Variants in PTPRD observed in about 807,000 individuals in gnomAD.
PTPRD encodes protein tyrosine phosphatase receptor type D.
Under a neutral mutation model 214.5 loss-of-function variants are expected in PTPRD, and 34 were observed. That is an observed-to-expected ratio of 0.16 (90% confidence interval 0.12 to 0.21). The LOEUF (loss-of-function observed/expected upper bound fraction) is 0.21. PTPRD is among the 10% of genes least tolerant of loss of function. The probability of loss-of-function intolerance (pLI) is 1.00; values close to 1 mark genes in which losing one functional copy is unlikely to be tolerated. For missense variants in PTPRD, 2,545 were observed against 2,398.7 expected (o/e 1.06, Z -1.27); for synonymous variants, 1,128 against 845.7 (o/e 1.33, Z -5.79).
intron 11 of PTPRD, among the ~76,000 whole-genome samples, chr9:8,807,001 C>T (rs993299644): frequency 2.6e-5 from 4 of 152,030 alleles, no homozygotes; most frequent in African/African-American, 9.7e-5. Flanking sequence ...ATTACAGTGA[C>T]AAAAATATTT....
chr9:8,766,836 T>C (rs982915800), intron 11 of PTPRD, among the ~76,000 whole-genome samples: 1 of 152,216 alleles, frequency 6.6e-6, no homozygotes, highest in African/African-American at 2.4e-5. Context: ...AGTTTCGTGA[T>C]GTGTTTGTGA....
At chr9:10,275,919 T>C (rs1435444287) in intron 3 of PTPRD, among the ~76,000 whole-genome samples, 1 of 152,154 alleles carries the variant, frequency 6.6e-6, no homozygotes, top group African/African-American at 2.4e-5. Flanking sequence ...TGAGAGCCAG[T>C]GTAACTTGGG....
chr9:9,306,512 C>T (rs1051563228), intron 9 of PTPRD, among the ~76,000 whole-genome samples: 2 of 133,606 alleles, frequency 1.5e-5, no homozygotes, highest in Non-Finnish European at 3.1e-5. Context: ...TGCAGTGAAC[C>T]GAGATCACAC....
chr9:10,340,227 T>C (rs1372239713), intron 3 of PTPRD, among the ~76,000 whole-genome samples: 1 of 151,886 alleles, frequency 6.6e-6, no homozygotes, highest in Non-Finnish European at 1.5e-5. Context: ...TCAATGTTTT[T>C]CCCCATGTTT....
chr9:9,854,172 T>C (rs2061092214), intron 5 of PTPRD, among the ~76,000 whole-genome samples: 1 of 152,226 alleles, frequency 6.6e-6, no homozygotes, highest in South Asian at 2.1e-4. Flanking sequence ...GCTATTTACA[T>C]TAAATGTTAA....
chr9:8,748,535 A>AAAAAAG (rs1300692516), intron 11 of PTPRD, among the ~76,000 whole-genome samples: 65 of 122,322 alleles, frequency 5.3e-4, no homozygotes, highest in African/African-American at 1.8e-3. Flanking sequence ...AAAAAAAAAA[A>AAAAAAG]AAAAAGAAAA....
Position 9,693,463 on chromosome 9 carries a change from G to A in PTPRD, c.-287+41070C>T, listed in dbSNP as rs188981755. Among the ~76,000 whole-genome samples the A allele has an allele frequency of 3.2e-4, 49 of 152,204 alleles. 1 individual carries two copies. The East Asian group carries it at 9.5e-3, about 29-fold the overall frequency. Reference sequence around the variant, plus strand: ...ATTGTAAGTTTCCTCCCCCCGCCATGTGCAACTATGAGTCATTTAAATGTC... The same window carrying A: ...ATTGTAAGTTTCCTCCCCCCGCCATATGCAACTATGAGTCATTTAAATGTC... On this transcript the variant is annotated intron_variant, in intron 7 of 45. Transcript: ENST00000381196.
intron 3 of PTPRD, among the ~76,000 whole-genome samples, chr9:10,051,391 T>C (rs543969254): frequency 6.6e-6 from 1 of 152,246 alleles, no homozygotes; most frequent in African/African-American, 2.4e-5. Context: ...CTGTTAGTCA[T>C]CTCCAGTTTT....
chr9:10,030,668 G>C (rs1297231830), intron 4 of PTPRD, among the ~76,000 whole-genome samples: 3 of 152,170 alleles, frequency 2.0e-5, no homozygotes, highest in African/African-American at 7.2e-5. Context: ...AAAAAGACTG[G>C]ATTCCACGTG....
At chr9:9,846,957 G>C (rs1027520590) in intron 5 of PTPRD, among the ~76,000 whole-genome samples, 3 of 152,028 alleles carry the variant, frequency 2.0e-5, no homozygotes, top group African/African-American at 7.2e-5. Flanking sequence ...AAAACTAGCA[G>C]GGAGAATATC....
chr9:9,304,506 A>G (rs1401597095), intron 9 of PTPRD, among the ~76,000 whole-genome samples: 2 of 151,944 alleles, frequency 1.3e-5, no homozygotes, highest in African/African-American at 2.4e-5. Context: ...TTTGGATTTA[A>G]GGATGTGGAA....
chr9:10,037,584 A>G (rs531285958), intron 3 of PTPRD, among the ~76,000 whole-genome samples: 4,136 of 148,184 alleles, frequency 0.028, 110 homozygotes, highest in Admixed American at 0.087. Context: ...GCAGTGGAAA[A>G]AAAAAAAAAA....
chr9:10,475,443 A>T (rs1332456033), intron 2 of PTPRD, among the ~76,000 whole-genome samples: 1 of 152,008 alleles, frequency 6.6e-6, no homozygotes, highest in Non-Finnish European at 1.5e-5. Context: ...AAAGAAGTCG[A>T]ATCCCTGAAT....
intron 8 of PTPRD, among the ~76,000 whole-genome samples, chr9:9,480,836 G>C (rs2095379067): frequency 6.6e-6 from 1 of 152,084 alleles, no homozygotes; most frequent in South Asian, 2.1e-4. Context: ...TACGTGGACT[G>C]TCTCTGATAT....
chr9:9,435,610 A>G (rs532778067), intron 8 of PTPRD, among the ~76,000 whole-genome samples: 8 of 152,258 alleles, frequency 5.3e-5, no homozygotes, highest in South Asian at 2.1e-4. Context: ...GGATTTTTCA[A>G]CTGCCTTTCA....
intron 7 of PTPRD, among the ~76,000 whole-genome samples, chr9:9,636,903 G>T (rs937452493): frequency 6.6e-6 from 1 of 152,126 alleles, no homozygotes; most frequent in Admixed American, 6.5e-5. Flanking sequence ...CTGGTAAGGG[G>T]GGCGAGTCTC....
intron 41 of PTPRD, 96 bp from the exon 42 acceptor site, chr9:8,340,565 C>T (rs746149984): frequency 5.8e-5 from 71 of 1,219,922 alleles, no homozygotes; most frequent in East Asian, 2.4e-4. Flanking sequence ...TAATAAAAAA[C>T]GAAAACATAT....
At chr9:10,517,744 G>T (rs1364174322) in intron 2 of PTPRD, among the ~76,000 whole-genome samples, 2 of 152,084 alleles carry the variant, frequency 1.3e-5, no homozygotes, top group Non-Finnish European at 2.9e-5. Context: ...AGAAGAAAGG[G>T]TCTTTGCTTC....
At chr9:9,020,753 T>C (rs768861875) in intron 10 of PTPRD, among the ~76,000 whole-genome samples, 51 of 152,190 alleles carry the variant, frequency 3.4e-4, no homozygotes, top group Non-Finnish European at 6.0e-4. Flanking sequence ...CAACTGATTT[T>C]GAGAATTGCC....
Sources: allele counts gnomAD v4.1 joint callset (sites outside exome capture counted in the v4.1 genomes callset), GRCh38; gene constraint gnomAD v4.1.1; transcripts MANE v1.5; gene names NCBI Gene and HGNC (gene_info 2026-07-23, HGNC 2026-07-21).